Variants in PMPCB observed in about 807,000 individuals in gnomAD.
The protein encoded by PMPCB is peptidase, mitochondrial processing subunit beta.
In PMPCB, 46 loss-of-function variants were observed where a neutral mutation model predicts 61.5. The ratio of observed to expected loss-of-function variants is 0.75; its 90% CI spans 0.59 to 0.96. PMPCB has a LOEUF of 0.96. Ranked by LOEUF, PMPCB falls within the 40% of genes least tolerant of loss-of-function variation. The probability of loss-of-function intolerance (pLI) is 0.00; values close to 1 mark genes in which losing one functional copy is unlikely to be tolerated. For missense variants in PMPCB, 590 were observed against 602.4 expected (o/e 0.98, Z 0.22); for synonymous variants, 191 against 201.6 (o/e 0.95, Z 0.44).
intron 6 of PMPCB, among the ~76,000 whole-genome samples, chr7:103,304,744 C>T (rs1254622728): frequency 2.0e-5 from 3 of 152,050 alleles, no homozygotes; most frequent in East Asian, 1.9e-4. Flanking sequence ...GGGCGGATCA[C>T]GAGGTCAGGA....
the PMPCB span, among the ~76,000 whole-genome samples, chr7:103,346,818 A>ATG: frequency 0.06 from 9,026 of 150,110 alleles, 315 homozygotes; most frequent in African/African-American, 0.097. Flanking sequence ...AGGCTGAATA[A>ATG]TGTGTGTGTG....
the PMPCB span, chr7:103,342,002 AAT>A: frequency 5.1e-6 from 7 of 1,375,000 alleles, no homozygotes; most frequent in African/African-American, 1.5e-5. Context: ...GCATGGAATA[AAT>A]ATGTTTCAAG....
At chr7:103,343,778 G>A in the PMPCB span, among the ~76,000 whole-genome samples, 14 of 152,194 alleles carry the variant, frequency 9.2e-5, no homozygotes, top group Non-Finnish European at 1.5e-4. Flanking sequence ...TACCTGTGTA[G>A]TATGGGTGTG....
At chr7:103,301,372 A>C (rs544411194) in intron 4 of PMPCB, among the ~76,000 whole-genome samples, 1 of 152,396 alleles carries the variant, frequency 6.6e-6, no homozygotes, top group South Asian at 2.1e-4. Context: ...TGTTGGTTTG[A>C]ATAACAAAAC....
chr7:103,315,923 T>C (rs1818028323), downstream of PMPCB: 2 of 1,550,974 alleles, frequency 1.3e-6, no homozygotes, highest in East Asian at 4.5e-5. Context: ...TAATCTTTCA[T>C]TAAATTGCAT....
At chr7:103,315,860 T>G, downstream of PMPCB, 1 of 1,611,970 alleles carries the variant, frequency 6.2e-7, no homozygotes, top group South Asian at 1.1e-5. Context: ...ATGTCATCTT[T>G]TTGATGAGGG....
chr7:103,335,680 G>A, the PMPCB span: 1 of 151,970 alleles, frequency 6.6e-6, no homozygotes, highest in African/African-American at 2.4e-5. Context: ...CAAGTAGTTG[G>A]GCTTACAGGC....
chr7:103,327,203 T>C (rs1191497923), intron 12 of PMPCB: 13 of 418,552 alleles, frequency 3.1e-5, no homozygotes. Context: ...GGGTCTGTAC[T>C]AGGATATAAT....
intron 12 of PMPCB, among the ~76,000 whole-genome samples, chr7:103,323,276 T>C (rs1236582735): frequency 6.6e-6 from 1 of 152,058 alleles, no homozygotes; most frequent in Admixed American, 6.6e-5. Flanking sequence ...TTTTTGCACA[T>C]TCATGTCAAA....
At chr7:103,319,786 T>G in intron 12 of PMPCB, 1 of 1,614,194 alleles carries the variant, frequency 6.2e-7, no homozygotes, top group Non-Finnish European at 8.5e-7. Flanking sequence ...ACAAAGTTTT[T>G]CCACTTCTTC....
chr7:103,298,760 ATTG>A, intron 2 of PMPCB, 52 bp downstream of exon 2: 2 of 1,556,844 alleles, frequency 1.3e-6, no homozygotes, highest in Non-Finnish European at 1.8e-6. Context: ...AGCGTAGCAA[ATTG>A]TTGATTTTAA....
At chr7:103,298,035 G>T (rs1657600964) in intron 1 of PMPCB, 1 of 794,452 alleles carries the variant, frequency 1.3e-6, no homozygotes, top group Non-Finnish European at 1.6e-6. Context: ...TTTGTATAAG[G>T]GCAAAGAAAA....
chr7:103,344,333 G>T, the PMPCB span: 1 of 585,266 alleles, frequency 1.7e-6, no homozygotes. Context: ...GGCGAGAGGA[G>T]GAAGCAACGG....
At chr7:103,315,735 T>C (rs763044270), downstream of PMPCB, 2 of 1,491,372 alleles carry the variant, frequency 1.3e-6, no homozygotes, top group South Asian at 2.3e-5. Context: ...ATGGCTAGCA[T>C]TTTCTACGTT....
chr7:103,344,238 AG>A, the PMPCB span: 1 of 372,462 alleles, frequency 2.7e-6, no homozygotes, highest in Non-Finnish European at 4.9e-6. Flanking sequence ...TTTCCACCGT[AG>A]GCAAGGAGAT....
At chr7:103,304,738 G>A (rs552875146) in intron 6 of PMPCB, among the ~76,000 whole-genome samples, 23 of 152,152 alleles carry the variant, frequency 1.5e-4, no homozygotes, top group South Asian at 1.0e-3. Flanking sequence ...CGAGGTGGGC[G>A]GATCACGAGG....
At chr7:103,319,814 C>G (rs557018963) in intron 12 of PMPCB, 2 of 1,614,204 alleles carry the variant, frequency 1.2e-6, no homozygotes, top group South Asian at 2.2e-5. Context: ...TTAACCCGCT[C>G]TGCCTCATTA....
chr7:103,334,431 C>T (rs915411613), downstream of PMPCB, among the ~76,000 whole-genome samples: 1 of 151,810 alleles, frequency 6.6e-6, no homozygotes, highest in Non-Finnish European at 1.5e-5. Flanking sequence ...GACATGTTGG[C>T]AGGTGCCTGT....
chr7:103,329,072 A>G (rs959684757), exon 13 of PMPCB: 1 of 1,035,536 alleles, frequency 9.7e-7, no homozygotes. Context: ...ATTTGTGATT[A>G]TCGCTGGTGG....
Sources: allele counts gnomAD v4.1 joint callset (sites outside exome capture counted in the v4.1 genomes callset), GRCh38; gene constraint gnomAD v4.1.1; transcripts MANE v1.5; gene names NCBI Gene and HGNC (gene_info 2026-07-23, HGNC 2026-07-21).